The following GBE1 variants were observed in gnomAD, a reference collection of about 807,000 sequenced individuals.
GBE1 encodes 1,4-alpha-glucan-branching enzyme.
In GBE1, 70 loss-of-function variants were observed where a neutral mutation model predicts 88.8. The observed-to-expected ratio is 0.79, with a 90% CI of 0.65 to 0.96. GBE1 has a LOEUF of 0.96. Among genes scored for constraint, GBE1 ranks in the 40% least tolerant of loss-of-function variants. GBE1 has a pLI of 0.00. For synonymous variants in GBE1, 284 were observed against 300.1 expected (o/e 0.95, Z 0.56); for missense variants, 872 against 871.0 (o/e 1.00, Z -0.01).
At chr3:81,561,408 AG>A (rs1057018626) in intron 12 of GBE1, among the ~76,000 whole-genome samples, 1 of 152,096 alleles carries the variant, frequency 6.6e-6, no homozygotes, top group African/African-American at 2.4e-5. Flanking sequence ...TAAGTTAGGC[AG>A]AGTTAATGAA....
chr3:81,593,330 G>A (rs894928076), intron 8 of GBE1, among the ~76,000 whole-genome samples: 10 of 150,266 alleles, frequency 6.7e-5, no homozygotes, highest in South Asian at 2.1e-4. Context: ...ACACCACTGC[G>A]CTCCAGCCTG....
intron 1 of GBE1, among the ~76,000 whole-genome samples, chr3:81,749,005 C>CAAAAAAAA (rs34051030): frequency 1.1e-4 from 12 of 107,786 alleles, no homozygotes; most frequent in Admixed American, 1.9e-4. Context: ...GACTCTGTCT[C>CAAAAAAAA]AAAAAAAAAA....
chr3:81,653,744 A>C (rs555294900), intron 3 of GBE1, among the ~76,000 whole-genome samples: 1 of 152,350 alleles, frequency 6.6e-6, no homozygotes, highest in Non-Finnish European at 1.5e-5. Context: ...GTATCTTTCT[A>C]ATGTAAATGC....
intron 1 of GBE1, among the ~76,000 whole-genome samples, chr3:81,720,765 G>C (rs757427705): frequency 6.6e-6 from 1 of 151,342 alleles, no homozygotes; most frequent in Non-Finnish European, 1.5e-5. Context: ...TGTTTATTGC[G>C]GCACTATTCA....
intron 14 of GBE1, among the ~76,000 whole-genome samples, chr3:81,527,962 C>G (rs1031015233): frequency 2.6e-5 from 4 of 151,968 alleles, no homozygotes; most frequent in Admixed American, 2.6e-4. Flanking sequence ...GACTTGGAAC[C>G]AACCCAAAGG....
At chr3:81,612,279 T>C in intron 7 of GBE1, 1 of 722,160 alleles carries the variant, frequency 1.4e-6, no homozygotes, top group Non-Finnish European at 2.1e-6. Flanking sequence ...TGTTGCCTCT[T>C]CCTGCTGGCT....
chr3:81,492,312 T>G (rs1702447224), intron 15 of GBE1, among the ~76,000 whole-genome samples: 1 of 152,206 alleles, frequency 6.6e-6, no homozygotes, highest in Non-Finnish European at 1.5e-5. Flanking sequence ...GTTTTCTCTT[T>G]GTCATACGTA....
At chr3:81,737,247 A>G (rs2107212016) in intron 1 of GBE1, among the ~76,000 whole-genome samples, 1 of 145,060 alleles carries the variant, frequency 6.9e-6, no homozygotes, top group East Asian at 2.0e-4. Flanking sequence ...GAATATTTAT[A>G]TATATATTTA....
intron 3 of GBE1, among the ~76,000 whole-genome samples, chr3:81,661,343 CAG>C (rs1705028285): frequency 6.6e-6 from 1 of 152,074 alleles, no homozygotes; most frequent in African/African-American, 2.4e-5. Context: ...AATCAGGAAA[CAG>C]AACTTTATGG....
chr3:81,757,247 C>T (rs1706615623), intron 1 of GBE1, among the ~76,000 whole-genome samples: 1 of 152,010 alleles, frequency 6.6e-6, no homozygotes, highest in African/African-American at 2.4e-5. Context: ...TTAGATGGTA[C>T]CGAGAGGGAG....
chr3:81,739,694 T>G (rs959975011), intron 1 of GBE1, among the ~76,000 whole-genome samples: 4 of 152,142 alleles, frequency 2.6e-5, no homozygotes, highest in African/African-American at 9.7e-5. Flanking sequence ...CTTTTTTTAT[T>G]GAGAGGTTTC....
intron 12 of GBE1, among the ~76,000 whole-genome samples, chr3:81,539,342 A>G (rs947755954): frequency 4.6e-5 from 7 of 151,960 alleles, no homozygotes; most frequent in Non-Finnish European, 1.0e-4. Flanking sequence ...ATGTAGTAAA[A>G]AGTTCAGTTT....
intron 1 of GBE1, among the ~76,000 whole-genome samples, chr3:81,706,131 G>A (rs1452876264): frequency 3.3e-5 from 5 of 152,146 alleles, no homozygotes; most frequent in Admixed American, 6.6e-5. Context: ...TCTGAAGTAC[G>A]AAAGGGGCCA....
At chr3:81,646,956 CTTTTTTTT>C (rs34290906) in intron 5 of GBE1, among the ~76,000 whole-genome samples, 1 of 132,440 alleles carries the variant, frequency 7.6e-6, no homozygotes, top group Non-Finnish European at 1.6e-5. Context: ...CATAAGGTAG[CTTTTTTTT>C]TTTTTTTTTT....
chr3:81,608,040 G>A (rs1204487506), intron 7 of GBE1, among the ~76,000 whole-genome samples: 1 of 152,150 alleles, frequency 6.6e-6, no homozygotes, highest in African/African-American at 2.4e-5. Flanking sequence ...CAAGTCCTTA[G>A]GACTAAATCC....
chr3:81,661,028 A>T (rs3821551), intron 3 of GBE1, among the ~76,000 whole-genome samples: 44,483 of 151,918 alleles, frequency 0.29, 6,722 homozygotes, highest in East Asian at 0.45. Context: ...TTTCTGGCAC[A>T]CCAATAAAAG....
intron 7 of GBE1, among the ~76,000 whole-genome samples, chr3:81,601,442 C>G (rs1704031318): frequency 6.6e-6 from 1 of 152,102 alleles, no homozygotes; most frequent in African/African-American, 2.4e-5. Flanking sequence ...GGTACAACAT[C>G]TTTTAAAACC....
chr3:81,629,306 C>A lies in GBE1; in HGVS notation c.992+13475G>T, dbSNP rs373413823. 8.0e-5 allele frequency among the ~76,000 whole-genome samples: 12 copies of A among 149,570 alleles called. No homozygotes were observed. The East Asian group carries it at 1.8e-3, about 22-fold the overall frequency. On this transcript the variant is annotated intron_variant, in intron 7 of 15. Coordinates refer to ENST00000429644, the MANE Select transcript of GBE1 (RefSeq NM_000158.4). ...TGGTTTTTTGTTCTTGCGATAGTTT[C>A]CTGAGAATGATGGTTTCCAATTTCA...
intron 7 of GBE1, 66 bp from the exon 8 acceptor site, chr3:81,594,089 T>C (rs1054052658): frequency 2.8e-5 from 19 of 681,676 alleles, no homozygotes; most frequent in Admixed American, 5.9e-5. Context: ...CTGTTATAAA[T>C]GTTTGCTATT....
Sources: allele counts gnomAD v4.1 joint callset (sites outside exome capture counted in the v4.1 genomes callset), GRCh38; gene constraint gnomAD v4.1.1; transcripts MANE v1.5; gene names NCBI Gene and HGNC (gene_info 2026-07-23, HGNC 2026-07-21).